MAEA: variants seen among roughly 807,000 people sequenced by gnomAD.
MAEA encodes E3 ubiquitin-protein transferase MAEA.
MAEA carries 22 observed loss-of-function variants against 46.2 expected under a neutral mutation model. The observed-to-expected ratio is 0.48, with a 90% confidence interval of 0.34 to 0.68. MAEA has a LOEUF of 0.68. Among genes scored for constraint, MAEA ranks in the 30% least tolerant of loss-of-function variants. MAEA has a pLI of 0.01. For missense variants in MAEA, 393 were observed against 558.1 expected, an observed-to-expected ratio of 0.70 and a Z score of 2.98; for synonymous variants, 246 against 222.6, an observed-to-expected ratio of 1.11 and a Z score of -0.94.
At position 1,327,620 on chromosome 4, in the gene MAEA, C is replaced by T. The variant is rs1454621750; in HGVS notation, c.580-7C>T. On this transcript the variant is annotated splice_region_variant and splice_polypyrimidine_tract_variant and intron_variant, in intron 4 of 8. Coordinates refer to ENST00000303400, the MANE Select transcript of MAEA (RefSeq NM_001017405.3). ...TGTCTAAGCCCTCGTCTTGTCTTTG[C>T]CCTCAGAGCTGCCTGGAGTTCAGCC... 3.3e-5 allele frequency: 53 copies of T among 1,612,090 alleles called. No individual in the cohort carries two copies. Among genetic ancestry groups the T allele is most frequent in the Non-Finnish European group, 4.3e-5 (51 of 1,178,550 alleles).
rs778763251 is a variant in MAEA at position 1,309,688 on chromosome 4, C to T, written c.70-2291C>T. 3 of 1,531,242 alleles carry T rather than the reference C, an allele frequency of 2.0e-6. No individual in the cohort carries two copies. In the East Asian group the frequency reaches 7.3e-5, roughly 37 times the overall value. 94.9% of individuals were successfully genotyped at this position (1,531,242 alleles called of 1,614,324 possible). The stretch of plus-strand genomic sequence containing the variant: ...CCACTGGCAGGGAGGTGGGGTCTTC[C>T]AGTTGTGAAGACACCGTGGCCCCGG... On this transcript the variant is annotated intron_variant, in intron 1 of 8. Coordinates refer to ENST00000303400, the MANE Select transcript of MAEA (RefSeq NM_001017405.3).
intron 2 of MAEA, among the ~76,000 whole-genome samples, chr4:1,314,925 C>T (rs1736943414): frequency 6.6e-6 from 1 of 152,180 alleles, no homozygotes; most frequent in African/African-American, 2.4e-5. Context: ...TGCACCACTG[C>T]CCTTAAGTGT....
intron 3 of MAEA, among the ~76,000 whole-genome samples, chr4:1,318,753 G>C (rs1737640122): frequency 6.6e-6 from 1 of 152,198 alleles, no homozygotes; most frequent in African/African-American, 2.4e-5. Context: ...TGGACTTCCT[G>C]TAGGGGGCGC....
Position 1,334,993 on chromosome 4 carries a change from C to T in MAEA, c.766-1868C>T, listed in dbSNP as rs952804938. 48 of 985,398 alleles carry T rather than the reference C, an allele frequency of 4.9e-5. 1 individual carries two copies. The South Asian group carries it at 1.2e-3, about 24-fold the overall frequency. 61.0% of individuals were successfully genotyped at this position (985,398 alleles called of 1,614,324 possible). A position where few individuals can be genotyped will look rare whatever the true frequency, so the allele number is the denominator to read the frequency against. On this transcript the variant is annotated intron_variant, in intron 6 of 8. Coordinates refer to ENST00000303400, the MANE Select transcript of MAEA (RefSeq NM_001017405.3). The stretch of plus-strand genomic sequence containing the variant: ...GAAGCTTACAGAGACTGATGGGTGA[C>T]GTCCCCTGATGACCACCTCCCCTCC...
intron 1 of MAEA, among the ~76,000 whole-genome samples, chr4:1,297,456 TGC>T (rs1360778291): frequency 6.6e-6 from 1 of 151,954 alleles, no homozygotes; most frequent in African/African-American, 2.4e-5. Flanking sequence ...AAAAAGTACG[TGC>T]GTATGTGTGT....
chr4:1,329,658 G>A, intron 5 of MAEA: 2 of 985,598 alleles, frequency 2.0e-6, no homozygotes, highest in Non-Finnish European at 2.4e-6. Context: ...CCTCAGCTCA[G>A]CGTGGCCCTG....
chr4:1,305,980 C>G (rs1253125335), intron 1 of MAEA, among the ~76,000 whole-genome samples: 1 of 152,164 alleles, frequency 6.6e-6, no homozygotes, highest in Non-Finnish European at 1.5e-5. Context: ...AGTGCAAAGG[C>G]CAGAAAAGAC....
At chr4:1,299,349 G>A (rs1357744223) in intron 1 of MAEA, among the ~76,000 whole-genome samples, 1 of 152,174 alleles carries the variant, frequency 6.6e-6, no homozygotes, top group African/African-American at 2.4e-5. Flanking sequence ...CAGCCCGTCT[G>A]CCCCTCCACC....
Position 1,339,386 on chromosome 4 carries a change from A to G in MAEA, c.*217A>G. Reference sequence around the variant, plus strand: ...ATTGGTAGGATTTTGTAACACGTCAACCATTTGATGCTTCTGAAAAGTACT... The same window carrying G: ...ATTGGTAGGATTTTGTAACACGTCAGCCATTTGATGCTTCTGAAAAGTACT... On this transcript the variant is annotated 3_prime_UTR_variant, in exon 9 of 9. Transcript: ENST00000303400. The G allele has an allele frequency of 1.8e-6, 1 of 566,114 alleles. No homozygotes were observed. Among genetic ancestry groups the G allele is most frequent in the Non-Finnish European group, 3.1e-6 (1 of 319,692 alleles). 35.1% of individuals were successfully genotyped at this position (566,114 alleles called of 1,614,324 possible). A position where few individuals can be genotyped will look rare whatever the true frequency, so the allele number is the denominator to read the frequency against.
At chr4:1,299,723 C>T (rs1286292049) in intron 1 of MAEA, 2 of 152,342 alleles carry the variant, frequency 1.3e-5, no homozygotes, top group African/African-American at 4.8e-5. Flanking sequence ...ATGTCCTCAC[C>T]TTCAATCTTT....
chr4:1,305,145 C>T (rs767541049), intron 1 of MAEA, among the ~76,000 whole-genome samples: 3 of 151,596 alleles, frequency 2.0e-5, no homozygotes, highest in East Asian at 3.9e-4. Flanking sequence ...TTTGGTGGAT[C>T]GTTAAGGTTT....
chr4:1,315,605 G>C lies in MAEA; in HGVS notation c.456+5G>C. 2 of 1,612,188 alleles carry C rather than the reference G, an allele frequency of 1.2e-6. No homozygotes were observed. The highest frequency in any genetic ancestry group is 1.7e-6 in the Non-Finnish European group (2 of 1,179,300). On this transcript the variant is annotated splice_donor_5th_base_variant and intron_variant, in intron 3 of 8. Transcript: ENST00000303400. ...GCGCGCCAGAGCGGCATCGAGGTGG[G>C]TGCCCGCCAGACGCAGGCACAGCGC... is the stretch of plus-strand genomic sequence containing the variant.
Position 1,339,375 on chromosome 4 carries a change from G to T in MAEA, c.*206G>T. On this transcript the variant is annotated 3_prime_UTR_variant, in exon 9 of 9. Transcript: ENST00000303400. ...AAAACATTTGGATTGGTAGGATTTTGTAACACGTCAACCATTTGATGCTTC... is the reference window on the plus strand; with the variant it reads ...AAAACATTTGGATTGGTAGGATTTTTTAACACGTCAACCATTTGATGCTTC... 1 of 573,154 alleles carries T rather than the reference G, an allele frequency of 1.7e-6. No homozygotes were observed. The highest frequency in any genetic ancestry group is 3.1e-6 in the Non-Finnish European group (1 of 323,226). 35.5% of individuals were successfully genotyped at this position (573,154 alleles called of 1,614,324 possible).
intron 3 of MAEA, among the ~76,000 whole-genome samples, chr4:1,318,487 G>C (rs1436382418): frequency 1.3e-5 from 2 of 152,348 alleles, no homozygotes; most frequent in Non-Finnish European, 2.9e-5. Flanking sequence ...CAAGGTGTTG[G>C]GGTGCCCTGA....
chr4:1,327,301 G>A (rs946722760), intron 4 of MAEA, among the ~76,000 whole-genome samples: 1 of 152,234 alleles, frequency 6.6e-6, no homozygotes, highest in African/African-American at 2.4e-5. Flanking sequence ...TCCAGCAGCT[G>A]CACCTGCTGC....
intron 1 of MAEA, among the ~76,000 whole-genome samples, chr4:1,300,849 A>G (rs1035508238): frequency 2.0e-5 from 3 of 152,182 alleles, no homozygotes; most frequent in African/African-American, 7.2e-5. Context: ...CATTTTTTCA[A>G]GAAGCCTCTT....
intron 2 of MAEA, chr4:1,312,494 A>G (rs1370765968): frequency 4.0e-6 from 1 of 248,352 alleles, no homozygotes. Context: ...CAGTGGTGCG[A>G]TCTCAGCTCA....
intron 7 of MAEA, 56 bp from the exon 8 acceptor site, chr4:1,338,366 G>A (rs572556051): frequency 4.8e-6 from 7 of 1,458,412 alleles, no homozygotes; most frequent in Admixed American, 3.6e-5. Context: ...ACAGGGGGCT[G>A]GGCTCACCCC....
At chr4:1,329,263 C>T in intron 5 of MAEA, 1 of 983,134 alleles carries the variant, frequency 1.0e-6, no homozygotes, top group Non-Finnish European at 1.2e-6. Context: ...GGTCTGTTTA[C>T]CTGTGTTCCC....
Sources: allele counts gnomAD v4.1 joint callset (sites outside exome capture counted in the v4.1 genomes callset), GRCh38; gene constraint gnomAD v4.1.1; transcripts MANE v1.5; gene names NCBI Gene and HGNC (gene_info 2026-07-23, HGNC 2026-07-21).